The following MAGI2 variants were observed in gnomAD, a reference collection of about 807,000 sequenced individuals.
The protein encoded by MAGI2 is membrane associated guanylate kinase, WW and PDZ domain containing 2, also known as membrane-associated guanylate kinase, WW and PDZ domain-containing protein 2.
In MAGI2, 35 loss-of-function variants were observed where a neutral mutation model predicts 133.3. That is an observed-to-expected ratio of 0.26 (90% CI 0.20 to 0.35). The LOEUF is 0.35. Ranked by LOEUF, MAGI2 falls within the 10% of genes least tolerant of loss-of-function variation. The pLI is 1.00. For synonymous variants in MAGI2, 729 were observed against 710.6 expected (o/e 1.03, Z -0.41); for missense variants, 1,636 against 1,863.4 (o/e 0.88, Z 2.25).
intron 16 of MAGI2, among the ~76,000 whole-genome samples, chr7:78,136,484 T>C (rs957392516): frequency 2.0e-5 from 3 of 152,204 alleles, no homozygotes; most frequent in Non-Finnish European, 2.9e-5. Context: ...TACAGATTTT[T>C]CCTAGAAGGT....
At chr7:78,287,234 T>G (rs1455351574) in intron 9 of MAGI2, among the ~76,000 whole-genome samples, 1 of 151,448 alleles carries the variant, frequency 6.6e-6, no homozygotes, top group Admixed American at 6.6e-5. Flanking sequence ...GAAAGGAGAG[T>G]GATTTCTGAA....
intron 1 of MAGI2, among the ~76,000 whole-genome samples, chr7:79,269,672 A>G (rs966736471): frequency 3.3e-4 from 51 of 152,268 alleles, no homozygotes; most frequent in African/African-American, 1.2e-3. Context: ...ACAGCAAGAG[A>G]AATGTGACAT....
At chr7:78,230,505 G>C (rs150762668) in intron 10 of MAGI2, among the ~76,000 whole-genome samples, 2 of 151,892 alleles carry the variant, frequency 1.3e-5, no homozygotes. Flanking sequence ...AATAACTTTC[G>C]TCTTACACAT....
At chr7:79,309,597 TA>T (rs979157053) in intron 1 of MAGI2, among the ~76,000 whole-genome samples, 1 of 151,956 alleles carries the variant, frequency 6.6e-6, no homozygotes, top group South Asian at 2.1e-4. Flanking sequence ...AACAATCTAG[TA>T]AAAAATTAGT....
At chr7:78,359,602 A>G (rs1792562700) in intron 7 of MAGI2, 1 of 152,218 alleles carries the variant, frequency 6.6e-6, no homozygotes, top group South Asian at 2.1e-4. Context: ...AATCCATGAT[A>G]ATAATTCGCC....
intron 1 of MAGI2, among the ~76,000 whole-genome samples, chr7:79,350,174 T>G (rs1000588360): frequency 5.9e-5 from 9 of 152,054 alleles, no homozygotes; most frequent in African/African-American, 2.2e-4. Context: ...GAAATAAAAT[T>G]AAAAAGCGAA....
At chr7:78,599,484 T>C (rs319869) in intron 3 of MAGI2, among the ~76,000 whole-genome samples, 115,341 of 152,002 alleles carry the variant, frequency 0.76, 44,313 homozygotes, top group African/African-American at 0.84. Context: ...CCCAGAGTCC[T>C]GGAGCTAAGA....
chr7:78,487,797 A>G (rs1163341345), intron 6 of MAGI2, among the ~76,000 whole-genome samples: 2 of 152,090 alleles, frequency 1.3e-5, no homozygotes, highest in South Asian at 2.1e-4. Flanking sequence ...CACATTTTAT[A>G]TGTATTCCTG....
intron 9 of MAGI2, among the ~76,000 whole-genome samples, chr7:78,329,850 G>T (rs906433447): frequency 2.6e-5 from 4 of 152,264 alleles, no homozygotes; most frequent in South Asian, 4.1e-4. Flanking sequence ...TACAGAAGAG[G>T]TGAAATGTCC....
rs1227674778 is a variant in MAGI2, at chr7:78,326,312, G to C, written c.1408+17466C>G. The stretch of plus-strand genomic sequence containing the variant: ...CCTTCCGTCTCTGAATCATACTTCT[G>C]TGAAATCCACCCTGATCTCTCCACA... On this transcript the variant is annotated intron_variant, in intron 9 of 21. Transcript: ENST00000354212. Among the ~76,000 whole-genome samples the C allele has an allele frequency of 6.6e-5, 10 of 152,152 alleles. No homozygotes were observed. The East Asian group carries it at 1.9e-3, about 29-fold the overall frequency.
At chr7:78,308,178 G>A (rs1381186477) in intron 9 of MAGI2, among the ~76,000 whole-genome samples, 1 of 152,170 alleles carries the variant, frequency 6.6e-6, no homozygotes, top group Non-Finnish European at 1.5e-5. Flanking sequence ...TGGGGGATGT[G>A]ATATAGGAGA....
intron 7 of MAGI2, among the ~76,000 whole-genome samples, chr7:78,356,744 C>T (rs1225432027): frequency 1.3e-5 from 2 of 152,190 alleles, no homozygotes; most frequent in African/African-American, 4.8e-5. Flanking sequence ...ACACTTCTCA[C>T]CCCACCTGTG....
chr7:78,382,978 A>T (rs1795062536), intron 6 of MAGI2, among the ~76,000 whole-genome samples: 1 of 152,112 alleles, frequency 6.6e-6, no homozygotes, highest in Non-Finnish European at 1.5e-5. Flanking sequence ...TCTACTGTGT[A>T]TATATACCAC....
intron 9 of MAGI2, among the ~76,000 whole-genome samples, chr7:78,268,785 A>G (rs540344601): frequency 6.6e-6 from 1 of 152,144 alleles, no homozygotes; most frequent in Non-Finnish European, 1.5e-5. Flanking sequence ...TAATGTAAAC[A>G]TAGATTATTT....
At chr7:78,993,442 A>G (rs1180283880) in intron 2 of MAGI2, among the ~76,000 whole-genome samples, 1 of 152,066 alleles carries the variant, frequency 6.6e-6, no homozygotes, top group Admixed American at 6.6e-5. Context: ...TTAAAGGTAA[A>G]TTTCCTTTCA....
chr7:78,635,243 A>AT (rs978647633), intron 2 of MAGI2, among the ~76,000 whole-genome samples: 3 of 152,204 alleles, frequency 2.0e-5, no homozygotes, highest in African/African-American at 4.8e-5. Flanking sequence ...TGCCAATGGA[A>AT]TTTTTTTATT....
At chr7:78,902,954 C>T (rs1386834164) in intron 2 of MAGI2, among the ~76,000 whole-genome samples, 5 of 152,042 alleles carry the variant, frequency 3.3e-5, no homozygotes. Flanking sequence ...GCTTTCCCAG[C>T]TTAGCTTCTT....
chr7:78,290,189 T>G (rs1796555681), intron 9 of MAGI2, among the ~76,000 whole-genome samples: 1 of 152,206 alleles, frequency 6.6e-6, no homozygotes. Context: ...CCCATTAATG[T>G]GCTGTATTCA....
chr7:78,353,204 A>G (rs1791704414), intron 7 of MAGI2, among the ~76,000 whole-genome samples: 1 of 152,216 alleles, frequency 6.6e-6, no homozygotes, highest in Non-Finnish European at 1.5e-5. Flanking sequence ...AAACTAAAAG[A>G]CTACACTATT....
Sources: gnomAD v4.1 joint callset for allele counts (sites outside exome capture counted in the v4.1 genomes callset) on GRCh38, gnomAD v4.1.1 for gene constraint, MANE v1.5 for transcripts, NCBI Gene and HGNC (gene_info 2026-07-23, HGNC 2026-07-21) for gene names.